DHTKD1: variants seen among roughly 807,000 people sequenced by gnomAD.
The protein encoded by DHTKD1 is dehydrogenase E1 and transketolase domain containing 1, also known as 2-oxoadipate dehydrogenase complex component E1.
Under a neutral mutation model 101.8 loss-of-function variants are expected in DHTKD1, and 78 were observed. The ratio of observed to expected loss-of-function variants is 0.77; its 90% CI spans 0.64 to 0.93. The LOEUF is 0.93. Among genes scored for constraint, DHTKD1 ranks in the 40% least tolerant of loss-of-function variants. The pLI, the probability that DHTKD1 is intolerant of heterozygous loss-of-function variation, is 0.00. For missense variants in DHTKD1, 1,223 were observed against 1,161.7 expected (o/e 1.05, Z -0.77); for synonymous variants, 462 against 450.3 (o/e 1.03, Z -0.33).
intron 2 of DHTKD1, among the ~76,000 whole-genome samples, chr10:12,083,139 C>CA: frequency 6.7e-6 from 1 of 150,034 alleles, no homozygotes; most frequent in South Asian, 2.1e-4. Context: ...GCCTGGGCGA[C>CA]AGAGCGAGAC....
intron 13 of DHTKD1, among the ~76,000 whole-genome samples, chr10:12,117,304 CTTTTTTTTTTTTTT>C (rs71382683): frequency 1.4e-5 from 1 of 71,552 alleles, no homozygotes; most frequent in Non-Finnish European, 2.6e-5. Context: ...GCCACGGCAC[CTTTTTTTTTTTTTT>C]TTTTTTTTTT....
chr10:12,100,287 G>GTTTTTTTTTCTTTTTTTTTT (rs1833143453), intron 9 of DHTKD1, 25 bp downstream of exon 9: 1 of 248,604 alleles, frequency 4.0e-6, no homozygotes. Flanking sequence ...TTTTTTTTCT[G>GTTTTTTTTTCTTTTTTTTTT]TTTTTTTTTT....
chr10:12,097,418 G>T (rs541970898), intron 7 of DHTKD1, among the ~76,000 whole-genome samples: 4 of 151,838 alleles, frequency 2.6e-5, no homozygotes, highest in Admixed American at 6.6e-5. Flanking sequence ...GATTACAGGC[G>T]CCCGCCACCA....
chr10:12,098,996 C>T (rs1331687353), intron 8 of DHTKD1, among the ~76,000 whole-genome samples: 1 of 152,034 alleles, frequency 6.6e-6, no homozygotes, highest in African/African-American at 2.4e-5. Context: ...CATAGTGGAC[C>T]TTATCGCTAG....
At chr10:12,097,631 T>A (rs1489019946) in intron 7 of DHTKD1, 53 bp from the exon 8 acceptor site, 12 of 1,496,774 alleles carry the variant, frequency 8.0e-6, no homozygotes, top group Non-Finnish European at 1.1e-5. Context: ...TCCTTGTCTC[T>A]ATTAGATTGT....
chr10:12,103,163 T>A lies in DHTKD1; in HGVS notation c.1896+1982T>A, dbSNP rs1833196799. 6.6e-6 allele frequency among the ~76,000 whole-genome samples: 1 copy of A among 152,090 alleles called. No homozygotes were observed. Among genetic ancestry groups the A allele is most frequent in the African/African-American group, 2.4e-5 (1 of 41,448 alleles). On this transcript the variant is annotated intron_variant, in intron 10 of 16. Coordinates refer to ENST00000263035, the MANE Select transcript of DHTKD1 (RefSeq NM_018706.7). This position sits in a 1 kb window ranked among gnomAD's most constrained non-coding sequence, Gnocchi z 4.8. ...GCTTGAACCCAGGAGGCAGAGGTAGTGAGCGGAGATCATACCACTGCCCTC... is the reference window on the plus strand; with the variant it reads ...GCTTGAACCCAGGAGGCAGAGGTAGAGAGCGGAGATCATACCACTGCCCTC...
In DHTKD1 at chr10:12,112,924, G is replaced by A. The variant is rs1459172578; in HGVS notation, c.2179G>A (p.Val727Met). 8 of 1,610,200 alleles carry A rather than the reference G, an allele frequency of 5.0e-6. No individual in the cohort carries two copies. The highest frequency in any genetic ancestry group is 6.8e-6 in the Non-Finnish European group (8 of 1,178,402). Residue 727 changes from valine (V) to methionine (M), a missense_variant, in exon 13 of 17, where the codon GTG becomes ATG. By Grantham distance (21) the Val-to-Met change is conservative. Transcript: ENST00000263035. ...GATGTGTGACAGTGCGGAAGAGGGG[G>A]TGGACGGAGACACTGTGAACATGTT... ...LQMCDSAEEG[V>M]DGDTVNMFVV...
At position 12,087,565 on chromosome 10, in the gene DHTKD1, T is replaced by G. The variant is rs749271395; in HGVS notation, c.553T>G (p.Ser185Ala). The change falls in exon 4 of 17, where the codon TCG (serine) becomes GCG (alanine). Residue 185 changes from serine to alanine, a missense_variant. Ser to Ala is a moderately conservative substitution (Grantham distance 99, BLOSUM62 1). Transcript: ENST00000263035. The surrounding 1 kb of genome is among the most constrained non-coding windows in gnomAD (Gnocchi z 5.2). ...TGACCACTTTCTGGCCACCAAGTTCTCGACAGTGAAGCGATATGGAGGCGA... is the reference window on the plus strand; with the variant it reads ...TGACCACTTTCTGGCCACCAAGTTCGCGACAGTGAAGCGATATGGAGGCGA... ...EFDHFLATKF[S>A]TVKRYGGEGA... 3 of 1,608,978 alleles carry G rather than the reference T, an allele frequency of 1.9e-6. No individual in the cohort carries two copies. The highest frequency in any genetic ancestry group is 2.5e-6 in the Non-Finnish European group (3 of 1,177,850).
At chr10:12,090,151 A>G (rs919418860) in intron 5 of DHTKD1, among the ~76,000 whole-genome samples, 2 of 152,190 alleles carry the variant, frequency 1.3e-5, no homozygotes, top group Admixed American at 1.3e-4. Flanking sequence ...TCATTTAAAT[A>G]TGAACCTTTA....
chr10:12,092,781 C>T (rs920089738), intron 6 of DHTKD1, among the ~76,000 whole-genome samples: 3 of 151,026 alleles, frequency 2.0e-5, no homozygotes, highest in Non-Finnish European at 4.4e-5. Flanking sequence ...ACAGCGTGGG[C>T]AACAAGAGCG....
In DHTKD1 at chr10:12,119,299, C is replaced by G. The variant is rs1197335356; in HGVS notation, c.2572+381C>G. On this transcript the variant is annotated intron_variant, in intron 15 of 16. Coordinates refer to ENST00000263035, the MANE Select transcript of DHTKD1 (RefSeq NM_018706.7). ...CCAGCCTGGGCACAAGACTCTGTGTCAAAAAAAGACACAAAAACATGAAAA... is the reference window on the plus strand; with the variant it reads ...CCAGCCTGGGCACAAGACTCTGTGTGAAAAAAAGACACAAAAACATGAAAA... Among the ~76,000 whole-genome samples, 4 of 144,586 alleles carry G rather than the reference C, an allele frequency of 2.8e-5. No homozygotes were observed. The Admixed American group carries it at 2.9e-4, about 10-fold the overall frequency. 94.9% of individuals were successfully genotyped at this position (144,586 alleles called of 152,430 possible). A position where few individuals can be genotyped will look rare whatever the true frequency, so the allele number is the denominator to read the frequency against.
chr10:12,103,491 C>G lies in DHTKD1; in HGVS notation c.1896+2310C>G, dbSNP rs1431815822. ...CCCCAACTTCGTTGTACATCTCAAT[C>G]TGTGTGTGTGTGTGTGTGTGTGTGT... On this transcript the variant is annotated intron_variant, in intron 10 of 16. Transcript: ENST00000263035. The surrounding 1 kb of genome is among the most constrained non-coding windows in gnomAD (Gnocchi z 4.8). Among the ~76,000 whole-genome samples, 3 of 144,890 alleles carry G rather than the reference C, an allele frequency of 2.1e-5. No homozygotes were observed. Among genetic ancestry groups the G allele is most frequent in the Non-Finnish European group, 3.0e-5 (2 of 66,202 alleles).
chr10:12,117,688 C>G lies in DHTKD1; in HGVS notation c.2335C>G (p.Leu779Val). Residue 779 changes from leucine (L) to valine (V), a missense_variant, in exon 14 of 17, where the codon CTT (leucine) becomes GTT (valine). By Grantham distance (32) the Leu-to-Val change is conservative. Coordinates refer to ENST00000263035, the MANE Select transcript of DHTKD1 (RefSeq NM_018706.7). The part of the protein sequence containing the change: ...LLRLPAAVST[L>V]QEMAPGTTFN... ...TCCCTCGTAGGCAGCCGTGTCAACTCTTCAAGAAATGGCACCAGGAACAAC... is the reference window on the plus strand; with the variant it reads ...TCCCTCGTAGGCAGCCGTGTCAACTGTTCAAGAAATGGCACCAGGAACAAC... The G allele has an allele frequency of 6.2e-7, 1 of 1,605,404 alleles. No individual in the cohort carries two copies.
chr10:12,076,765 TCTC>T (rs1056891994), intron 1 of DHTKD1, among the ~76,000 whole-genome samples: 1 of 151,602 alleles, frequency 6.6e-6, no homozygotes, highest in African/African-American at 2.4e-5. Context: ...TTTACGCCAT[TCTC>T]CTACCTCAGC....
At chr10:12,120,335 CTTTCT>C in intron 16 of DHTKD1, 68 bp downstream of exon 16, 45 of 1,342,070 alleles carry the variant, frequency 3.4e-5, no homozygotes, top group East Asian at 1.7e-4. Context: ...TTCTTTCTTT[CTTTCT>C]TTTTTTTTTT....
rs1424926997 is a variant in DHTKD1, at chr10:12,069,134, G to A, written c.101G>A (p.Arg34Gln). The change falls in exon 1 of 17, where the codon CGG becomes CAG. Residue 34 changes from arginine (R) to glutamine (Q), a missense_variant. Physicochemically the swap from Arg to Gln is conservative, Grantham distance 43 (BLOSUM62 1). Coordinates refer to ENST00000263035, the MANE Select transcript of DHTKD1 (RefSeq NM_018706.7). ...ACCGAGCGGGGCGTTTACGGCTACC[G>A]GCCGAGGAAGCCCGAGAGCCGCGAG... ...YQTERGVYGYRPRKPESREPQ... is the reference protein window; with the variant it reads ...YQTERGVYGYQPRKPESREPQ... The A allele has an allele frequency of 4.4e-6, 7 of 1,591,034 alleles. No individual in the cohort carries two copies. The highest frequency in any genetic ancestry group is 1.1e-5 in the South Asian group (1 of 88,352).
chr10:12,099,102 C>T (rs952738576), intron 8 of DHTKD1, among the ~76,000 whole-genome samples: 3 of 151,758 alleles, frequency 2.0e-5, no homozygotes, highest in African/African-American at 7.2e-5. Flanking sequence ...CCCAGAAGGT[C>T]GAGCCTGCAA....
chr10:12,081,891 C>T (rs145310552), intron 2 of DHTKD1, among the ~76,000 whole-genome samples: 556 of 150,344 alleles, frequency 3.7e-3, no homozygotes, highest in African/African-American at 0.013. Context: ...TTTGGGAGCC[C>T]GAGGTGGGAG....
chr10:12,082,887 A>G (rs1039128779), intron 2 of DHTKD1, among the ~76,000 whole-genome samples: 3 of 152,178 alleles, frequency 2.0e-5, no homozygotes, highest in African/African-American at 7.2e-5. Flanking sequence ...TGGTAATCCC[A>G]GCATTTTGGG....
Sources: allele counts gnomAD v4.1 joint callset (sites outside exome capture counted in the v4.1 genomes callset), GRCh38; gene constraint gnomAD v4.1.1; non-coding constraint Gnocchi (gnomAD v3.1); transcripts MANE v1.5; gene names NCBI Gene and HGNC (gene_info 2026-07-23, HGNC 2026-07-21).